MYO3B: variants seen among roughly 807,000 people sequenced by gnomAD.
The protein encoded by MYO3B is myosin-IIIb.
In MYO3B, 156 loss-of-function variants were observed where a neutral mutation model predicts 174.6. The ratio of observed to expected loss-of-function variants is 0.89; its 90% CI spans 0.78 to 1.02. The LOEUF is 1.02. Among genes scored for constraint, MYO3B ranks in the 50% least tolerant of loss-of-function variants. The pLI, the probability that MYO3B is intolerant of heterozygous loss-of-function variation, is 0.00. For synonymous variants in MYO3B, 563 were observed against 569.1 expected, an observed-to-expected ratio of 0.99 and a Z score of 0.15; for missense variants, 1,632 against 1,639.4, an observed-to-expected ratio of 1.00 and a Z score of 0.08.
At chr2:170,651,432 C>G (rs1699004457) in intron 32 of MYO3B, among the ~76,000 whole-genome samples, 196 bp from the exon 33 acceptor site, 2 of 152,224 alleles carry the variant, frequency 1.3e-5, no homozygotes, top group Admixed American at 1.3e-4. Context: ...AAGTTACAGA[C>G]AGTGGCCCTT....
chr2:170,479,563 TG>T (rs1466054612), intron 25 of MYO3B, among the ~76,000 whole-genome samples: 2 of 146,440 alleles, frequency 1.4e-5, no homozygotes, highest in Non-Finnish European at 3.0e-5. Context: ...TATAAATGTA[TG>T]TTTTATATAT....
intron 7 of MYO3B, among the ~76,000 whole-genome samples, chr2:170,246,340 A>G (rs989555222): frequency 2.0e-5 from 3 of 152,224 alleles, no homozygotes; most frequent in African/African-American, 7.2e-5. Context: ...CCAGTGGTGA[A>G]GTTATGGGTT....
chr2:170,456,851 G>T (rs1575008110), intron 23 of MYO3B, among the ~76,000 whole-genome samples: 1 of 152,198 alleles, frequency 6.6e-6, no homozygotes, highest in Non-Finnish European at 1.5e-5. Flanking sequence ...ATATTCTGAG[G>T]ACTCTGTCAT....
chr2:170,185,116 T>A (rs1442344408), intron 1 of MYO3B, among the ~76,000 whole-genome samples: 1 of 152,184 alleles, frequency 6.6e-6, no homozygotes, highest in Non-Finnish European at 1.5e-5. Flanking sequence ...TTTCTCTCAT[T>A]CTGTGGGTTG....
At chr2:170,507,525 A>G (rs1255792501) in intron 28 of MYO3B, among the ~76,000 whole-genome samples, 1 of 151,770 alleles carries the variant, frequency 6.6e-6, no homozygotes, top group African/African-American at 2.4e-5. Flanking sequence ...TCAGCCTCCC[A>G]AGTAGCTAGG....
chr2:170,345,192 A>C (rs2094007369), intron 8 of MYO3B: 1 of 152,216 alleles, frequency 6.6e-6, no homozygotes, highest in Non-Finnish European at 1.5e-5. Flanking sequence ...CCAGTACTAC[A>C]TTCTTTCAGC....
intron 16 of MYO3B, among the ~76,000 whole-genome samples, chr2:170,393,141 T>TTAAA (rs1163242288): frequency 1.3e-5 from 2 of 150,726 alleles, no homozygotes; most frequent in African/African-American, 4.9e-5. Flanking sequence ...TGGAGTGCAG[T>TTAAA]GGCGGGATCT....
intron 22 of MYO3B, among the ~76,000 whole-genome samples, chr2:170,415,018 T>C (rs1156258913): frequency 6.6e-6 from 1 of 152,254 alleles, no homozygotes; most frequent in African/African-American, 2.4e-5. Flanking sequence ...ATGTTGTCTG[T>C]GAATGAGAAC....
chr2:170,564,905 C>G (rs1575172105), intron 32 of MYO3B, among the ~76,000 whole-genome samples: 2 of 152,196 alleles, frequency 1.3e-5, no homozygotes, highest in East Asian at 3.9e-4. Context: ...TCCATAAGGT[C>G]TCTCTTTTAA....
At chr2:170,356,718 G>A (rs2094124262) in intron 8 of MYO3B, among the ~76,000 whole-genome samples, 1 of 152,030 alleles carries the variant, frequency 6.6e-6, no homozygotes. Flanking sequence ...CTTGTTACCT[G>A]TCATTACATC....
chr2:170,489,396 C>T (rs1255336908), intron 25 of MYO3B, among the ~76,000 whole-genome samples: 1 of 152,082 alleles, frequency 6.6e-6, no homozygotes, highest in African/African-American at 2.4e-5. Context: ...TCCTAGATCC[C>T]CAGTGTGCGG....
At chr2:170,245,880 C>T (rs750333089) in intron 7 of MYO3B, among the ~76,000 whole-genome samples, 25 of 152,026 alleles carry the variant, frequency 1.6e-4, no homozygotes, top group Non-Finnish European at 2.9e-4. Flanking sequence ...TGTAACAAAC[C>T]TAACAAACCT....
At chr2:170,283,089 C>T (rs574084999) in intron 7 of MYO3B, among the ~76,000 whole-genome samples, 1 of 152,262 alleles carries the variant, frequency 6.6e-6, no homozygotes, top group African/African-American at 2.4e-5. Flanking sequence ...TTTGGTGGGG[C>T]TGGGCTCTCA....
chr2:170,196,073 C>T (rs553949723), intron 1 of MYO3B, among the ~76,000 whole-genome samples: 25 of 152,302 alleles, frequency 1.6e-4, no homozygotes, highest in Middle Eastern at 3.4e-3. Flanking sequence ...TGGATATGAG[C>T]TTTACTCTTC....
intron 8 of MYO3B, among the ~76,000 whole-genome samples, chr2:170,336,285 G>A (rs763428090): frequency 4.0e-5 from 6 of 151,724 alleles, no homozygotes; most frequent in Admixed American, 6.6e-5. Flanking sequence ...GTGTTCAGAG[G>A]TCGTGGGAGG....
At chr2:170,284,322 A>T (rs569784617) in intron 7 of MYO3B, among the ~76,000 whole-genome samples, 1 of 152,322 alleles carries the variant, frequency 6.6e-6, no homozygotes, top group South Asian at 2.1e-4. Flanking sequence ...AAATATCATT[A>T]TCAGTTAAAC....
intron 8 of MYO3B, chr2:170,344,726 G>A (rs2094003655): frequency 6.6e-6 from 1 of 152,132 alleles, no homozygotes; most frequent in Non-Finnish European, 1.5e-5. Context: ...TGAAAGCTCA[G>A]CAAATACTAG....
intron 25 of MYO3B, among the ~76,000 whole-genome samples, chr2:170,485,350 C>T (rs1349672326): frequency 6.6e-6 from 1 of 151,528 alleles, no homozygotes; most frequent in African/African-American, 2.4e-5. Flanking sequence ...ATGATGCCCC[C>T]TCTCTAAAGT....
At chr2:170,540,611 C>A (rs144290845) in intron 30 of MYO3B, among the ~76,000 whole-genome samples, 5 of 150,182 alleles carry the variant, frequency 3.3e-5, no homozygotes, top group Admixed American at 6.6e-5. Context: ...TTGGTAGTGA[C>A]GGATTGCAGA....
Sources: allele counts gnomAD v4.1 joint callset (sites outside exome capture counted in the v4.1 genomes callset), GRCh38; gene constraint gnomAD v4.1.1; transcripts MANE v1.5; gene names NCBI Gene and HGNC (gene_info 2026-07-23, HGNC 2026-07-21).